Variants in FSTL4 observed in about 807,000 individuals in gnomAD.
FSTL4 encodes the protein follistatin-related protein 4.
Under a neutral mutation model 78.2 loss-of-function variants are expected in FSTL4, and 28 were observed. That is an observed-to-expected ratio of 0.36 (90% CI 0.27 to 0.49). The LOEUF is 0.49. Among genes scored for constraint, FSTL4 ranks in the 20% least tolerant of loss-of-function variants. FSTL4 has a pLI of 0.98. For synonymous variants in FSTL4, 422 were observed against 440.5 expected (o/e 0.96, Z 0.53); for missense variants, 922 against 1,084.9 (o/e 0.85, Z 2.11).
At chr5:133,416,803 G>A (rs981510204) in intron 3 of FSTL4, among the ~76,000 whole-genome samples, 1 of 152,194 alleles carries the variant, frequency 6.6e-6, no homozygotes, top group African/African-American at 2.4e-5. Context: ...ATCAAGGAAT[G>A]ACTCAAGCAC....
intron 6 of FSTL4, among the ~76,000 whole-genome samples, chr5:133,260,534 G>A (rs935152611): frequency 1.3e-5 from 2 of 152,204 alleles, no homozygotes; most frequent in Non-Finnish European, 2.9e-5. Flanking sequence ...AGGGACCACA[G>A]AGCTCCTGCT....
chr5:133,400,737 C>T lies in FSTL4; in HGVS notation c.409+1G>A, dbSNP rs1756200999. The T allele has an allele frequency of 1.9e-6, 3 of 1,613,550 alleles. No individual in the cohort carries two copies. The highest frequency in any genetic ancestry group is 2.5e-6 in the Non-Finnish European group (3 of 1,179,710). ...CCACAGGGCAAGGGCCCTGTTCCTA[C>T]CTTTGAGGAAACAGTCCTTGCTGTG... On this transcript the variant is annotated splice_donor_variant, in intron 4 of 15. Coordinates refer to ENST00000265342, the MANE Select transcript of FSTL4 (RefSeq NM_015082.2). LOFTEE classifies it high-confidence loss of function.
intron 6 of FSTL4, among the ~76,000 whole-genome samples, chr5:133,299,724 A>T (rs879858127): frequency 3.9e-5 from 6 of 152,068 alleles, no homozygotes; most frequent in Non-Finnish European, 5.9e-5. Context: ...CTGCCCCATC[A>T]CCGCTCCTCC....
chr5:133,221,048 AG>A, intron 11 of FSTL4, 182 bp from the exon 12 acceptor site: 1 of 690,448 alleles, frequency 1.4e-6, no homozygotes, highest in Non-Finnish European at 2.7e-6. Flanking sequence ...GGGTGCAGAG[AG>A]GGCCCCCCAG....
intron 3 of FSTL4, among the ~76,000 whole-genome samples, chr5:133,459,500 G>GT (rs1226838014): frequency 6.6e-6 from 1 of 152,108 alleles, no homozygotes; most frequent in Non-Finnish European, 1.5e-5. Context: ...ATAAAATAAT[G>GT]TTTTTTTAAA....
chr5:133,518,462 T>C (rs1376338959), intron 3 of FSTL4, among the ~76,000 whole-genome samples: 2 of 152,230 alleles, frequency 1.3e-5, no homozygotes, highest in Non-Finnish European at 2.9e-5. Context: ...TTAGTAAAGA[T>C]GTTTAGAAAT....
rs1360603442 is a variant in FSTL4 at position 133,611,026 on chromosome 5, A to C, written c.-11+1299T>G. ...ATTCCTGGTGCACAGGCTTGCAACAAATTTACGAAGGTAACAGACCAAGCT... is the reference window on the plus strand; with the variant it reads ...ATTCCTGGTGCACAGGCTTGCAACACATTTACGAAGGTAACAGACCAAGCT... On this transcript the variant is annotated intron_variant, in intron 1 of 15. Coordinates refer to ENST00000265342, the MANE Select transcript of FSTL4 (RefSeq NM_015082.2). The surrounding 1 kb of genome is among the most constrained non-coding windows in gnomAD (Gnocchi z 4.9). 2.0e-5 allele frequency among the ~76,000 whole-genome samples: 3 copies of C among 152,074 alleles called. No homozygotes were observed. Among genetic ancestry groups the C allele is most frequent in the African/African-American group, 7.2e-5 (3 of 41,398 alleles).
chr5:133,252,543 T>C (rs1009221605), intron 6 of FSTL4, among the ~76,000 whole-genome samples: 1 of 152,038 alleles, frequency 6.6e-6, no homozygotes, highest in African/African-American at 2.4e-5. Flanking sequence ...GGTTCTATGA[T>C]GGCCTGAGAA....
At chr5:133,328,102 C>T (rs953773403) in intron 4 of FSTL4, among the ~76,000 whole-genome samples, 1 of 152,246 alleles carries the variant, frequency 6.6e-6, no homozygotes, top group Non-Finnish European at 1.5e-5. Context: ...TAAGGCTTGA[C>T]ATGGCCTTTT....
chr5:133,614,141 C>T (rs960451130), upstream of FSTL4, among the ~76,000 whole-genome samples: 5 of 152,248 alleles, frequency 3.3e-5, no homozygotes, highest in African/African-American at 1.2e-4. Flanking sequence ...CGGCTCTCCT[C>T]TAAGACATGA....
At chr5:133,821,192 T>C in the FSTL4 span, among the ~76,000 whole-genome samples, 1 of 152,256 alleles carries the variant, frequency 6.6e-6, no homozygotes. Context: ...AAAAATAATA[T>C]TCTTCTGATT....
At chr5:133,825,677 C>T in the FSTL4 span, among the ~76,000 whole-genome samples, 280 of 152,348 alleles carry the variant, frequency 1.8e-3, 1 homozygote, top group Non-Finnish European at 3.3e-3. Flanking sequence ...GCATCAAAGC[C>T]GTTCCCCTGG....
At chr5:133,222,139 C>A (rs1312917418) in intron 11 of FSTL4, among the ~76,000 whole-genome samples, 3 of 151,930 alleles carry the variant, frequency 2.0e-5, no homozygotes, top group African/African-American at 7.3e-5. Context: ...AAACCTCAGC[C>A]GCCTCCAGCG....
upstream of FSTL4, among the ~76,000 whole-genome samples, chr5:133,614,086 T>C (rs1371347694): frequency 6.6e-6 from 1 of 152,222 alleles, no homozygotes; most frequent in African/African-American, 2.4e-5. Context: ...AATGTAATTC[T>C]AAGTCTGTGG....
At chr5:133,263,061 G>C (rs1411050903) in intron 6 of FSTL4, among the ~76,000 whole-genome samples, 4 of 152,192 alleles carry the variant, frequency 2.6e-5, no homozygotes, top group African/African-American at 9.7e-5. Flanking sequence ...CAACAGGCTT[G>C]ACTGGATGGG....
At chr5:133,231,401 C>T (rs866986605) in intron 8 of FSTL4, among the ~76,000 whole-genome samples, 25 of 152,032 alleles carry the variant, frequency 1.6e-4, no homozygotes, top group South Asian at 8.3e-4. Context: ...GGGGCCCTGC[C>T]AGGAAAGGTG....
the FSTL4 span, among the ~76,000 whole-genome samples, chr5:133,741,812 T>C: frequency 5.3e-5 from 8 of 152,292 alleles, no homozygotes; most frequent in African/African-American, 1.9e-4. Flanking sequence ...GTGGGGCCTC[T>C]CCCTGCCAGC....
At chr5:133,239,251 G>A (rs369151744) in intron 7 of FSTL4, among the ~76,000 whole-genome samples, 124 of 103,856 alleles carry the variant, frequency 1.2e-3, no homozygotes, top group African/African-American at 4.6e-3. Context: ...CCCTGCCAAC[G>A]TGGGCTCCTG....
chr5:133,353,488 C>G (rs1754874649), intron 4 of FSTL4, among the ~76,000 whole-genome samples: 1 of 152,138 alleles, frequency 6.6e-6, no homozygotes, highest in South Asian at 2.1e-4. Context: ...TCCTCCTGCC[C>G]TCCCCTGGAG....
Sources: gnomAD v4.1 joint callset for allele counts (sites outside exome capture counted in the v4.1 genomes callset) on GRCh38, gnomAD v4.1.1 for gene constraint, Gnocchi (gnomAD v3.1) non-coding constraint, MANE v1.5 for transcripts, NCBI Gene and HGNC (gene_info 2026-07-23, HGNC 2026-07-21) for gene names.